The following SHANK2 variants were observed in gnomAD, a reference collection of about 807,000 sequenced individuals.
SHANK2 encodes the protein SH3 and multiple ankyrin repeat domains 2, also known as SH3 and multiple ankyrin repeat domains protein 2.
SHANK2 carries 43 observed loss-of-function variants against 133.7 expected under a neutral mutation model. The ratio of observed to expected loss-of-function variants is 0.32; its 90% CI spans 0.25 to 0.41. The LOEUF is 0.41. SHANK2 is among the 10% of genes least tolerant of loss of function. SHANK2 has a pLI of 1.00. For synonymous variants in SHANK2, 1,017 were observed against 952.8 expected (o/e 1.07, Z -1.24); for missense variants, 1,994 against 2,235.8 (o/e 0.89, Z 2.18).
intron 3 of SHANK2, among the ~76,000 whole-genome samples, chr11:71,126,471 A>T (rs571937502): frequency 2.6e-5 from 4 of 152,178 alleles, no homozygotes; most frequent in Non-Finnish European, 5.9e-5. Flanking sequence ...ATGCTTGCAT[A>T]CACAATATCC....
At chr11:71,163,093 A>AATATAT (rs1555110179) in intron 2 of SHANK2, among the ~76,000 whole-genome samples, 33 of 84,698 alleles carry the variant, frequency 3.9e-4, no homozygotes, top group African/African-American at 1.4e-3. Flanking sequence ...AAAAAAAAAA[A>AATATAT]ATACATATAT....
At chr11:70,944,590 A>C (rs1555085047) in intron 10 of SHANK2, among the ~76,000 whole-genome samples, 3 of 152,206 alleles carry the variant, frequency 2.0e-5, no homozygotes, top group Non-Finnish European at 2.9e-5. Context: ...CTCTATGCGC[A>C]ACTTGATTTT....
Position 70,551,487 on chromosome 11 carries a change from C to T in SHANK2, c.2062-48556G>A, listed in dbSNP as rs77061859. Among the ~76,000 whole-genome samples the T allele has an allele frequency of 8.6e-4, 131 of 152,292 alleles. 1 individual carries two copies. Among genetic ancestry groups the T allele is most frequent in the African/African-American group, 3.0e-3 (123 of 41,572 alleles). On this transcript the variant is annotated intron_variant, in intron 17 of 25. Transcript: ENST00000601538. ...CGCCCCAGCATCTGGGCTCTGATGG[C>T]GACCGCATGCCTGTTATCTACCCCC...
At chr11:70,795,839 G>A (rs560476969) in intron 14 of SHANK2, among the ~76,000 whole-genome samples, 16 of 152,298 alleles carry the variant, frequency 1.1e-4, no homozygotes, top group South Asian at 6.2e-4. Context: ...CAAGGATGTC[G>A]GAAAGGCAAG....
intron 12 of SHANK2, among the ~76,000 whole-genome samples, chr11:70,815,814 C>T (rs1181967239): frequency 6.6e-6 from 1 of 152,210 alleles, no homozygotes; most frequent in Non-Finnish European, 1.5e-5. Flanking sequence ...ACCACACTGC[C>T]ACGCCCACTG....
chr11:71,119,578 C>CAAAAAAAAAAA (rs55759811), intron 3 of SHANK2, among the ~76,000 whole-genome samples: 2 of 134,478 alleles, frequency 1.5e-5, no homozygotes, highest in African/African-American at 6.0e-5. Context: ...GACTCCATCT[C>CAAAAAAAAAAA]AAAAAAAAAA....
intron 14 of SHANK2, among the ~76,000 whole-genome samples, chr11:70,782,300 G>A (rs1250146117): frequency 6.6e-6 from 1 of 152,224 alleles, no homozygotes; most frequent in Non-Finnish European, 1.5e-5. Context: ...CAGGTGATCA[G>A]CTCGCCTTGG....
chr11:70,822,151 C>T (rs957766278), intron 11 of SHANK2, among the ~76,000 whole-genome samples: 23 of 152,360 alleles, frequency 1.5e-4, no homozygotes, highest in African/African-American at 4.6e-4. Flanking sequence ...GCCAAAGGCA[C>T]GGGCTTCTCC....
intron 17 of SHANK2, among the ~76,000 whole-genome samples, chr11:70,615,622 T>A (rs566054904): frequency 6.6e-5 from 10 of 152,174 alleles, no homozygotes; most frequent in Non-Finnish European, 1.3e-4. Flanking sequence ...AGGCTTCTAT[T>A]GTCCCTTGCT....
At chr11:70,945,489 C>T (rs1295460726) in intron 10 of SHANK2, among the ~76,000 whole-genome samples, 1 of 152,230 alleles carries the variant, frequency 6.6e-6, no homozygotes, top group Non-Finnish European at 1.5e-5. Context: ...GCTTCCAGCC[C>T]TTCCTGCTGC....
intron 2 of SHANK2, among the ~76,000 whole-genome samples, chr11:71,183,531 G>A (rs1441300963): frequency 6.6e-6 from 1 of 152,210 alleles, no homozygotes; most frequent in East Asian, 1.9e-4. Context: ...ATCTGGCTGT[G>A]CCCTGAGCAA....
chr11:70,581,046 C>T (rs2060178111), intron 17 of SHANK2, among the ~76,000 whole-genome samples: 1 of 152,180 alleles, frequency 6.6e-6, no homozygotes. Context: ...TGAGGAGCCA[C>T]CAGGGAGGGG....
At chr11:70,701,164 A>ACG (rs1229783991) in intron 14 of SHANK2, among the ~76,000 whole-genome samples, 1 of 150,544 alleles carries the variant, frequency 6.6e-6, no homozygotes, top group African/African-American at 2.5e-5. Flanking sequence ...GTGTGTGTGT[A>ACG]CGCGTGTGTG....
At position 70,470,542 on chromosome 11, in the gene SHANK2, C is replaced by G. The variant is rs899995682; in HGVS notation, c.*2327G>C. 5.2e-5 allele frequency: 8 copies of G among 152,606 alleles called. No individual in the cohort carries two copies. Among genetic ancestry groups the G allele is most frequent in the African/African-American group, 1.9e-4 (8 of 41,442 alleles). The allele number at this position is 152,606 out of a possible 1,614,324, so 9.5% of individuals were successfully genotyped here. A position where few individuals can be genotyped will look rare whatever the true frequency, so the allele number is the denominator to read the frequency against. ...GAAAGTGCCATGCCAAAGGAATGGA[C>G]TCACGGAATTTTGCGGTATCATCAA... is the stretch of plus-strand genomic sequence containing the variant. On this transcript the variant is annotated 3_prime_UTR_variant, in exon 26 of 26. Coordinates refer to ENST00000601538, the MANE Select transcript of SHANK2 (RefSeq NM_012309.5).
Position 70,901,225 on chromosome 11 carries a change from A to G in SHANK2, c.1108-4658T>C, listed in dbSNP as rs565494970. 2.0e-5 allele frequency among the ~76,000 whole-genome samples: 3 copies of G among 152,316 alleles called. No individual in the cohort carries two copies. The East Asian group carries it at 5.8e-4, about 29-fold the overall frequency. On this transcript the variant is annotated intron_variant, in intron 10 of 25. Coordinates refer to ENST00000601538, the MANE Select transcript of SHANK2 (RefSeq NM_012309.5). ...TTCAAACTCTTCATCTAATCACCTT[A>G]GCTTATAATATGCTGTCATTTTCAT...
intron 10 of SHANK2, among the ~76,000 whole-genome samples, chr11:70,943,386 G>A (rs1555084730): frequency 6.6e-6 from 1 of 152,182 alleles, no homozygotes; most frequent in East Asian, 1.9e-4. Context: ...GTGTCCTTAG[G>A]TGGAAACTCA....
Position 71,147,611 on chromosome 11 carries a change from G to A in SHANK2, c.-12-273C>T, listed in dbSNP as rs530246030. ...CCCTGCAAACTCTGGTACCAGCGCT[G>A]TGAAACCCCGGCACTCAAAAGGAGC... On this transcript the variant is annotated intron_variant, in intron 2 of 25. Coordinates refer to ENST00000601538, the MANE Select transcript of SHANK2 (RefSeq NM_012309.5). Among the ~76,000 whole-genome samples, 321 of 152,324 alleles carry A rather than the reference G, an allele frequency of 2.1e-3. 1 individual carries two copies. The highest frequency in any genetic ancestry group is 3.8e-3 in the Non-Finnish European group (257 of 68,020).
chr11:70,734,839 G>T (rs375666891), intron 14 of SHANK2, among the ~76,000 whole-genome samples: 1 of 152,176 alleles, frequency 6.6e-6, no homozygotes, highest in East Asian at 1.9e-4. Flanking sequence ...CCTTGGGGAC[G>T]GCCCTCCTGC....
At chr11:71,184,124 C>T (rs1410995400) in intron 2 of SHANK2, among the ~76,000 whole-genome samples, 2 of 152,156 alleles carry the variant, frequency 1.3e-5, no homozygotes, top group Non-Finnish European at 2.9e-5. Flanking sequence ...CCCTCCCCGG[C>T]GGCACCTGGA....
Sources: allele counts gnomAD v4.1 joint callset (sites outside exome capture counted in the v4.1 genomes callset), GRCh38; gene constraint gnomAD v4.1.1; transcripts MANE v1.5; gene names NCBI Gene and HGNC (gene_info 2026-07-23, HGNC 2026-07-21).